The following PCLO variants were observed in gnomAD, a reference collection of about 807,000 sequenced individuals.
PCLO encodes the protein piccolo presynaptic cytomatrix protein.
Under a neutral mutation model 427.5 loss-of-function variants are expected in PCLO, and 82 were observed. The observed-to-expected ratio is 0.19, with a 90% CI of 0.16 to 0.23. PCLO has a LOEUF of 0.23. PCLO is among the 10% of genes least tolerant of loss of function. The pLI, the probability that PCLO is intolerant of heterozygous loss-of-function variation, is 1.00. For synonymous variants in PCLO, 2,357 were observed against 2,155.4 expected (o/e 1.09, Z -2.59); for missense variants, 6,239 against 6,115.9 (o/e 1.02, Z -0.67).
chr7:82,790,910 T>A (rs1415744739), intron 22 of PCLO, among the ~76,000 whole-genome samples: 2 of 152,240 alleles, frequency 1.3e-5, no homozygotes, highest in African/African-American at 4.8e-5. Flanking sequence ...TGCAAAAATC[T>A]AATGTTTTAA....
chr7:82,777,517 T>C (rs889648304), intron 22 of PCLO, among the ~76,000 whole-genome samples: 1 of 152,122 alleles, frequency 6.6e-6, no homozygotes, highest in Non-Finnish European at 1.5e-5. Context: ...TGTGGGGCTA[T>C]AGTAACCAAA....
In PCLO at chr7:83,135,082, C is replaced by T. The variant is rs201550435; in HGVS notation, c.2468G>A (p.Arg823Gln). The change falls in exon 3 of 25, where the codon CGA becomes CAA. Residue 823 changes from arginine to glutamine, a missense_variant. Arg to Gln is a conservative substitution (Grantham distance 43, BLOSUM62 1). Coordinates refer to ENST00000333891, the MANE Select transcript of PCLO (RefSeq NM_033026.6). ...AATAATTTTTGAATCTGATGCAGGT[C>T]GAGGTATGGCTTTAGAATCAAATGG... is the stretch of plus-strand genomic sequence containing the variant. ...VSPFDSKAIP[R>Q]PASDSKIISH... The T allele has an allele frequency of 4.2e-5, 68 of 1,613,666 alleles. No homozygotes were observed. Among genetic ancestry groups the T allele is most frequent in the Non-Finnish European group, 5.3e-5 (62 of 1,179,858 alleles).
Position 83,162,838 on chromosome 7 carries a change from C to T in PCLO, c.-246G>A, listed in dbSNP as rs1309002199. The T allele has an allele frequency of 1.9e-6, 1 of 536,980 alleles. No homozygotes were observed. Among genetic ancestry groups the T allele is most frequent in the Non-Finnish European group, 3.2e-6 (1 of 311,080 alleles). 33.3% of individuals were successfully genotyped at this position (536,980 alleles called of 1,614,324 possible). A position where few individuals can be genotyped will look rare whatever the true frequency, so the allele number is the denominator to read the frequency against. On this transcript the variant is annotated 5_prime_UTR_variant, in exon 1 of 25. In the 5' UTR this introduces an upstream ATG that the reference lacks. Transcript: ENST00000333891. ...CGCCAGGCAACCTTTGCAGAAGACA[C>T]CTCCCGGACGCCGCCTCGGCGCCCC...
At chr7:82,860,810 G>C (rs750465972) in intron 10 of PCLO, among the ~76,000 whole-genome samples, 1 of 151,990 alleles carries the variant, frequency 6.6e-6, no homozygotes, top group Non-Finnish European at 1.5e-5. Flanking sequence ...GTTAAAAAGT[G>C]GGGGGATGAA....
rs746054139 is a variant in PCLO at position 83,134,242 on chromosome 7, T to TATATATATATATATATA, written c.3300+7_3300+8insTATATATATATATATAT. 2 of 1,069,120 alleles carry TATATATATATATATATA rather than the reference T, an allele frequency of 1.9e-6. No individual in the cohort carries two copies. Among genetic ancestry groups the TATATATATATATATATA allele is most frequent in the East Asian group, 3.1e-5 (1 of 31,964 alleles). The allele number at this position is 1,069,120 out of a possible 1,614,324, so 66.2% of individuals were successfully genotyped here. Reference sequence around the variant, plus strand: ...TAATATATATATATATATATATATATAACTTACCTCAGTCAAATGTGGTGT... The same window carrying TATATATATATATATATA: ...TAATATATATATATATATATATATATATATATATATATATATAAACTTACCTCAGTCAAATGTGGTGT... On this transcript the variant is annotated splice_region_variant and intron_variant, in intron 3 of 24. Coordinates refer to ENST00000333891, the MANE Select transcript of PCLO (RefSeq NM_033026.6).
At chr7:82,849,369 C>T (rs576412014) in intron 10 of PCLO, among the ~76,000 whole-genome samples, 156 of 152,236 alleles carry the variant, frequency 1.0e-3, no homozygotes, top group African/African-American at 3.5e-3. Context: ...CCACAATGCA[C>T]CAATGGAAAT....
intron 3 of PCLO, among the ~76,000 whole-genome samples, chr7:83,063,872 T>C (rs961597743): frequency 5.3e-5 from 8 of 152,130 alleles, no homozygotes; most frequent in African/African-American, 1.9e-4. Flanking sequence ...TTAAAAGTTC[T>C]TAAACATCTA....
intron 3 of PCLO, among the ~76,000 whole-genome samples, chr7:83,001,615 T>A (rs1377867523): frequency 6.6e-6 from 1 of 151,936 alleles, no homozygotes; most frequent in African/African-American, 2.4e-5. Flanking sequence ...CAAAACCATT[T>A]GTATTTCCCA....
At chr7:83,160,515 A>G (rs1357500380) in intron 1 of PCLO, among the ~76,000 whole-genome samples, 1 of 152,064 alleles carries the variant, frequency 6.6e-6, no homozygotes, top group East Asian at 1.9e-4. Context: ...TTTCAGTAAA[A>G]TGTAAGAGTA....
intron 16 of PCLO, among the ~76,000 whole-genome samples, chr7:82,832,406 C>A (rs1792117680): frequency 6.6e-6 from 1 of 151,210 alleles, no homozygotes; most frequent in Non-Finnish European, 1.5e-5. Context: ...CACCCACCAC[C>A]ATGCCCGGCT....
intron 20 of PCLO, among the ~76,000 whole-genome samples, chr7:82,809,412 A>C (rs1290914527): frequency 6.6e-6 from 1 of 151,642 alleles, no homozygotes; most frequent in Non-Finnish European, 1.5e-5. Context: ...TTATCTGTAA[A>C]GGCCTAGCTC....
At chr7:83,111,527 A>G (rs1791001662) in intron 3 of PCLO, among the ~76,000 whole-genome samples, 1 of 152,252 alleles carries the variant, frequency 6.6e-6, no homozygotes, top group Non-Finnish European at 1.5e-5. Context: ...GTGGGGAACC[A>G]CAAGAAAAGG....
intron 3 of PCLO, among the ~76,000 whole-genome samples, chr7:82,976,470 T>G (rs151025155): frequency 6.6e-6 from 1 of 152,304 alleles, no homozygotes; most frequent in East Asian, 1.9e-4. Context: ...AACTTCCTAA[T>G]CATTCTGCTT....
At chr7:83,107,559 A>T (rs552329025) in intron 3 of PCLO, among the ~76,000 whole-genome samples, 9 of 151,886 alleles carry the variant, frequency 5.9e-5, no homozygotes, top group Non-Finnish European at 1.3e-4. Flanking sequence ...TTAGGTACAG[A>T]TATACTCAGT....
In PCLO at chr7:83,055,418, G is replaced by A. The variant is rs576732704; in HGVS notation, c.3300+78832C>T. Among the ~76,000 whole-genome samples, 5 of 152,232 alleles carry A rather than the reference G, an allele frequency of 3.3e-5. No homozygotes were observed. In the South Asian group the frequency reaches 1.0e-3, roughly 32 times the overall value. On this transcript the variant is annotated intron_variant, in intron 3 of 24. Transcript: ENST00000333891. ...CCTGTTATTATTTTGGGAACTAAGG[G>A]AGCCTTATGAAGACTCTATTTTAAC... is the stretch of plus-strand genomic sequence containing the variant.
At chr7:83,132,683 C>A (rs969245082) in intron 3 of PCLO, among the ~76,000 whole-genome samples, 1 of 152,046 alleles carries the variant, frequency 6.6e-6, no homozygotes, top group Admixed American at 6.6e-5. Flanking sequence ...ATACTACACA[C>A]CCATTTTTAA....
chr7:83,042,580 A>G (rs1454122985), intron 3 of PCLO, among the ~76,000 whole-genome samples: 1 of 151,994 alleles, frequency 6.6e-6, no homozygotes, highest in East Asian at 1.9e-4. Flanking sequence ...TGATAAGGGG[A>G]CTGGGCACGG....
At chr7:82,934,405 G>T (rs1438193951) in intron 6 of PCLO, among the ~76,000 whole-genome samples, 1 of 151,822 alleles carries the variant, frequency 6.6e-6, no homozygotes, top group African/African-American at 2.4e-5. Context: ...ATTTATTTGT[G>T]TAGTTTAGTA....
chr7:82,764,715 A>G (rs895864594), intron 22 of PCLO, among the ~76,000 whole-genome samples: 1 of 151,932 alleles, frequency 6.6e-6, no homozygotes, highest in African/African-American at 2.4e-5. Flanking sequence ...ACACTGTATG[A>G]AACTAGAAAT....
Sources: allele counts gnomAD v4.1 joint callset (sites outside exome capture counted in the v4.1 genomes callset), GRCh38; gene constraint gnomAD v4.1.1; transcripts MANE v1.5; gene names NCBI Gene and HGNC (gene_info 2026-07-23, HGNC 2026-07-21).